Variants in WNK1 observed in about 807,000 individuals in gnomAD.
The protein encoded by WNK1 is WNK lysine deficient protein kinase 1.
Under a neutral mutation model 222.8 loss-of-function variants are expected in WNK1, and 38 were observed. That is an observed-to-expected ratio of 0.17 (90% CI 0.13 to 0.22). The LOEUF (loss-of-function observed/expected upper bound fraction) is 0.22. Among genes scored for constraint, WNK1 ranks in the 10% least tolerant of loss-of-function variants. The pLI is 1.00. For missense variants in WNK1, 2,348 were observed against 2,918.4 expected (o/e 0.80, Z 4.50); for synonymous variants, 1,090 against 1,092.9 (o/e 1.00, Z 0.05).
At chr12:903,690 A>G (rs1269804730) in intron 26 of WNK1, among the ~76,000 whole-genome samples, 3 of 152,202 alleles carry the variant, frequency 2.0e-5, no homozygotes, top group Non-Finnish European at 4.4e-5. Context: ...GAAAGGCCCT[A>G]CATCCTTAGA....
intron 1 of WNK1, among the ~76,000 whole-genome samples, chr12:763,429 CA>C (rs761333741): frequency 2.9e-5 from 4 of 139,918 alleles, no homozygotes; most frequent in Admixed American, 7.1e-5. Context: ...ACTAAAAATA[CA>C]AAAAAAAAAC....
intron 4 of WNK1, among the ~76,000 whole-genome samples, chr12:852,018 A>T (rs1268543891): frequency 6.6e-6 from 1 of 152,122 alleles, no homozygotes; most frequent in African/African-American, 2.4e-5. Flanking sequence ...GTTTACCTTT[A>T]TTAAGAGTTA....
intron 8 of WNK1, among the ~76,000 whole-genome samples, chr12:863,291 G>A (rs72648702): frequency 6.6e-6 from 1 of 152,018 alleles, no homozygotes; most frequent in Non-Finnish European, 1.5e-5. Flanking sequence ...ATGTTCATTT[G>A]TTTCAGAGTC....
intron 9 of WNK1, among the ~76,000 whole-genome samples, chr12:874,504 A>G (rs1952441302): frequency 6.6e-6 from 1 of 152,186 alleles, no homozygotes; most frequent in South Asian, 2.1e-4. Context: ...ATTTGTCCAT[A>G]AAACTGCTCA....
At chr12:839,845 G>A (rs1205728252) in intron 4 of WNK1, among the ~76,000 whole-genome samples, 2 of 150,656 alleles carry the variant, frequency 1.3e-5, no homozygotes, top group African/African-American at 2.4e-5. Context: ...AGCTTCCTGA[G>A]TAGCTGGGAT....
Position 909,233 on chromosome 12 carries a change from C to G in WNK1, c.*441C>G, listed in dbSNP as rs753439066. On this transcript the variant is annotated 3_prime_UTR_variant, in exon 28 of 28. Coordinates refer to ENST00000315939, the MANE Select transcript of WNK1 (RefSeq NM_018979.4). ...CAGGACAAAAACCACCTACTGGGCT[C>G]TCTCCTACCCTGCCCTCCTCCCTTT... 5.9e-5 allele frequency: 11 copies of G among 187,012 alleles called. No individual in the cohort carries two copies. The highest frequency in any genetic ancestry group is 1.1e-4 in the Non-Finnish European group (10 of 88,500). The allele number at this position is 187,012 out of a possible 1,614,324, so 11.6% of individuals were successfully genotyped here.
chr12:903,227 T>C (rs1427258277), intron 26 of WNK1, among the ~76,000 whole-genome samples: 1 of 152,224 alleles, frequency 6.6e-6, no homozygotes, highest in East Asian at 1.9e-4. Context: ...AGGCAGTCTT[T>C]ACTGACTTTC....
At chr12:818,775 G>A (rs1317124625) in intron 2 of WNK1, among the ~76,000 whole-genome samples, 1 of 152,144 alleles carries the variant, frequency 6.6e-6, no homozygotes, top group African/African-American at 2.4e-5. Context: ...TGTTTTCGAG[G>A]ATCATCGTGA....
chr12:841,607 T>G (rs1489595729), intron 4 of WNK1, among the ~76,000 whole-genome samples: 1 of 152,206 alleles, frequency 6.6e-6, no homozygotes, highest in African/African-American at 2.4e-5. Context: ...AGAACAATGT[T>G]TTAGTCCATT....
At chr12:881,091 A>C in intron 12 of WNK1, 92 bp downstream of exon 12, 1 of 1,537,986 alleles carries the variant, frequency 6.5e-7, no homozygotes, top group Non-Finnish European at 8.9e-7. Context: ...CCCCTGGTTT[A>C]GAACTTATTT....
rs1020711052 is a variant in WNK1 at position 866,605 on chromosome 12, C to T, written c.2139+4335C>T. On this transcript the variant is annotated intron_variant, in intron 8 of 27. Transcript: ENST00000315939. ...TTGATCTCCTGACATTGTGATCCACCCCCTTCAGCCTCCCACAGTGCTGGG... is the reference window on the plus strand; with the variant it reads ...TTGATCTCCTGACATTGTGATCCACTCCCTTCAGCCTCCCACAGTGCTGGG... 3.3e-5 allele frequency among the ~76,000 whole-genome samples: 5 copies of T among 152,072 alleles called. No homozygotes were observed. The East Asian group carries it at 7.8e-4, about 24-fold the overall frequency.
chr12:889,031 A>C, intron 20 of WNK1, 109 bp from the exon 21 acceptor site: 1 of 853,896 alleles, frequency 1.2e-6, no homozygotes, highest in South Asian at 1.3e-5. Context: ...GACAAATGTT[A>C]TGTTGTGCCA....
chr12:822,089 T>C (rs973166629), intron 2 of WNK1, among the ~76,000 whole-genome samples: 1,500 of 128,016 alleles, frequency 0.012, 32 homozygotes, highest in African/African-American at 0.044. Flanking sequence ...TCTTATACCT[T>C]TTTTTTTTTT....
chr12:898,415 G>A (rs576760158), intron 25 of WNK1, among the ~76,000 whole-genome samples: 46 of 151,286 alleles, frequency 3.0e-4, no homozygotes, highest in Admixed American at 9.2e-4. Flanking sequence ...CCCGGGAGGC[G>A]GAGCTTGCAG....
chr12:787,397 G>A (rs1424361836), intron 1 of WNK1, among the ~76,000 whole-genome samples: 8 of 152,178 alleles, frequency 5.3e-5, no homozygotes, highest in Admixed American at 1.3e-4. Context: ...GATTTCAGGC[G>A]TGAGCCACCA....
rs1387167551 is a variant in WNK1, at chr12:827,144, C to T, written c.1035C>T (p.Ile345=). The T allele has an allele frequency of 5.0e-6, 8 of 1,614,078 alleles. No homozygotes were observed. The highest frequency in any genetic ancestry group is 6.8e-6 in the Non-Finnish European group (8 of 1,180,020). ...TTCTTCATACTCGAACTCCACCTATCATTCACCGCGATCTTAAATGTGACA... is the reference window on the plus strand; with the variant it reads ...TTCTTCATACTCGAACTCCACCTATTATTCACCGCGATCTTAAATGTGACA... ...LQFLHTRTPP[I]IHRDLKCDNI... The change falls in exon 3 of 28, where the codon ATC becomes ATT. Residue 345 remains isoleucine, a synonymous_variant. Coordinates refer to ENST00000315939, the MANE Select transcript of WNK1 (RefSeq NM_018979.4). This position sits in a 1 kb window ranked among gnomAD's most constrained non-coding sequence, Gnocchi z 4.6.
At position 824,374 on chromosome 12, in the gene WNK1, T is replaced by C. The variant is rs984533828; in HGVS notation, c.933-2668T>C. Among the ~76,000 whole-genome samples the C allele has an allele frequency of 3.9e-5, 6 of 152,166 alleles. No individual in the cohort carries two copies. In the South Asian group the frequency reaches 1.0e-3, roughly 26 times the overall value. Reference sequence around the variant, plus strand: ...CTTAGCTTCTCTGAGTTTAGAAATGTTCCATTTGTAATATGGAGCAGATTG... The same window carrying C: ...CTTAGCTTCTCTGAGTTTAGAAATGCTCCATTTGTAATATGGAGCAGATTG... On this transcript the variant is annotated intron_variant, in intron 2 of 27. Coordinates refer to ENST00000315939, the MANE Select transcript of WNK1 (RefSeq NM_018979.4).
At chr12:906,628 G>T in intron 26 of WNK1, 11 of 985,262 alleles carry the variant, frequency 1.1e-5, no homozygotes, top group Non-Finnish European at 1.3e-5. Context: ...TTTACTCATG[G>T]GAAATTGGGA....
chr12:884,691 A>G lies in WNK1; in HGVS notation c.3887A>G (p.His1296Arg). ...TAQSPGMNLS[H>R]SASSLSLQQA... Reference sequence around the variant, plus strand: ...CAGAGCCCTGGAATGAACTTGTCTCACTCTGCATCATCCCTTAGTCTACAA... The same window carrying G: ...CAGAGCCCTGGAATGAACTTGTCTCGCTCTGCATCATCCCTTAGTCTACAA... Residue 1296 changes from histidine to arginine, a missense_variant, in exon 19 of 28, where the codon CAC (histidine) becomes CGC (arginine). His to Arg is a conservative substitution (Grantham distance 29). This residue lies in a region of WNK1 where 1,144 missense variants were observed against 1,273.6 expected (regional missense o/e 0.90). Coordinates refer to ENST00000315939, the MANE Select transcript of WNK1 (RefSeq NM_018979.4). This position sits in a 1 kb window ranked among gnomAD's most constrained non-coding sequence, Gnocchi z 5.6. 6.2e-7 allele frequency: 1 copy of G among 1,614,108 alleles called. No homozygotes were observed.
Sources: allele counts gnomAD v4.1 joint callset (sites outside exome capture counted in the v4.1 genomes callset), GRCh38; gene constraint gnomAD v4.1.1; regional missense constraint gnomAD v4.1.1; non-coding constraint Gnocchi (gnomAD v3.1); transcripts MANE v1.5; gene names NCBI Gene and HGNC (gene_info 2026-07-23, HGNC 2026-07-21).